ATXN10: variants seen among roughly 807,000 people sequenced by gnomAD.
ATXN10 encodes the protein ataxin-10.
Under a neutral mutation model 52.9 loss-of-function variants are expected in ATXN10, and 28 were observed. That is an observed-to-expected ratio of 0.53 (90% CI 0.39 to 0.73). The LOEUF (loss-of-function observed/expected upper bound fraction) is 0.73. ATXN10 is among the 30% of genes least tolerant of loss of function. The pLI, the probability that ATXN10 is intolerant of heterozygous loss-of-function variation, is 0.00. For missense variants in ATXN10, 565 were observed against 577.0 expected, an observed-to-expected ratio of 0.98 and a Z score of 0.21; for synonymous variants, 226 against 221.5, an observed-to-expected ratio of 1.02 and a Z score of -0.18.
Position 45,718,498 on chromosome 22 carries a change from C to T in ATXN10, c.728+5C>T, listed in dbSNP as rs781075959. ...CAAACTGAACAATCAAGAAAGGTAA[C>T]CCCCCAACCAGCGTGGTCTGGAGTA... On this transcript the variant is annotated splice_donor_5th_base_variant and intron_variant, in intron 6 of 11. Coordinates refer to ENST00000252934, the MANE Select transcript of ATXN10 (RefSeq NM_013236.4). The surrounding 1 kb of genome is among the most constrained non-coding windows in gnomAD (Gnocchi z 4.4). 2.5e-6 allele frequency: 4 copies of T among 1,612,034 alleles called. No homozygotes were observed.
At chr22:45,734,386 T>C (rs780718913) in intron 7 of ATXN10, 2 of 280,208 alleles carry the variant, frequency 7.1e-6, no homozygotes. Context: ...TTCTGGAAAT[T>C]AGTCTTTCTG....
rs1928590716 is a variant in ATXN10 at position 45,819,818 on chromosome 22, T to TC, written c.1237+12796_1237+12797insC. Among the ~76,000 whole-genome samples, 1 of 152,252 alleles carries TC rather than the reference T, an allele frequency of 6.6e-6. No individual in the cohort carries two copies. Among genetic ancestry groups the TC allele is most frequent in the Non-Finnish European group, 1.5e-5 (1 of 68,044 alleles). On this transcript the variant is annotated intron_variant, in intron 10 of 11. Transcript: ENST00000252934. The surrounding 1 kb of genome is among the most constrained non-coding windows in gnomAD (Gnocchi z 4.5). ...TGACTTTTGGATACGTTGAGAAAGT[T>TC]AATACCTTTTTAAATTGCGAAACTT...
Position 45,757,523 on chromosome 22 carries a change from T to C in ATXN10, c.1173+16985T>C, listed in dbSNP as rs1274547502. 6.6e-6 allele frequency among the ~76,000 whole-genome samples: 1 copy of C among 152,102 alleles called. No homozygotes were observed. Among genetic ancestry groups the C allele is most frequent in the Admixed American group, 6.5e-5 (1 of 15,282 alleles). ...GGTGTGGATGTTTCATTCAGTACTT[T>C]GGAGGGAGAAAGAAATGGGTTCTTT... is the stretch of plus-strand genomic sequence containing the variant. On this transcript the variant is annotated intron_variant, in intron 9 of 11. Coordinates refer to ENST00000252934, the MANE Select transcript of ATXN10 (RefSeq NM_013236.4). The surrounding 1 kb of genome is among the most constrained non-coding windows in gnomAD (Gnocchi z 4.6).
intron 9 of ATXN10, chr22:45,793,137 G>A (rs1486091071): frequency 1.2e-5 from 2 of 172,732 alleles, no homozygotes; most frequent in African/African-American, 4.8e-5. Flanking sequence ...ATTGTACTCT[G>A]TTGATGTCCA....
intron 10 of ATXN10, among the ~76,000 whole-genome samples, chr22:45,814,653 A>C (rs1928396750): frequency 6.6e-6 from 1 of 152,212 alleles, no homozygotes; most frequent in African/African-American, 2.4e-5. Flanking sequence ...TGTTTATTAG[A>C]AGAGGAGTCC....
Position 45,672,030 on chromosome 22 carries a change from C to G in ATXN10, c.-34C>G. ...CCTTCGTCCTCCTCGCCTTCCTCCTCCTCGTCAGGCTCGACCCAGCTGTGA... is the reference window on the plus strand; with the variant it reads ...CCTTCGTCCTCCTCGCCTTCCTCCTGCTCGTCAGGCTCGACCCAGCTGTGA... On this transcript the variant is annotated 5_prime_UTR_variant, in exon 1 of 12. Coordinates refer to ENST00000252934, the MANE Select transcript of ATXN10 (RefSeq NM_013236.4). 2 of 1,530,946 alleles carry G rather than the reference C, an allele frequency of 1.3e-6. No homozygotes were observed. The highest frequency in any genetic ancestry group is 1.8e-6 in the Non-Finnish European group (2 of 1,142,464). The allele number at this position is 1,530,946 out of a possible 1,614,324, so 94.8% of individuals were successfully genotyped here.
chr22:45,767,898 C>T (rs948641431), intron 9 of ATXN10, among the ~76,000 whole-genome samples: 5 of 152,122 alleles, frequency 3.3e-5, no homozygotes, highest in Non-Finnish European at 5.9e-5. Context: ...GAAATACTTA[C>T]ACTGTGTGTA....
At chr22:45,758,064 G>C (rs926522908) in intron 9 of ATXN10, among the ~76,000 whole-genome samples, 1 of 152,226 alleles carries the variant, frequency 6.6e-6, no homozygotes, top group African/African-American at 2.4e-5. Context: ...GAACAGTGGC[G>C]TCAGGAAGCC....
At chr22:45,776,765 G>T (rs1402437435) in intron 9 of ATXN10, among the ~76,000 whole-genome samples, 1 of 152,134 alleles carries the variant, frequency 6.6e-6, no homozygotes, top group African/African-American at 2.4e-5. Flanking sequence ...GTGATGCTTG[G>T]TATATGAATA....
intron 7 of ATXN10, among the ~76,000 whole-genome samples, chr22:45,735,140 A>G (rs928501968): frequency 6.6e-6 from 1 of 151,970 alleles, no homozygotes; most frequent in African/African-American, 2.4e-5. Context: ...CGGGCTCCCA[A>G]AGTGCTAGGA....
chr22:45,793,272 A>G (rs2088524993), intron 9 of ATXN10: 1 of 162,102 alleles, frequency 6.2e-6, no homozygotes, highest in Non-Finnish European at 1.4e-5. Context: ...TCAGTTGTGA[A>G]TTTGTCCTCA....
chr22:45,745,235 T>G (rs2041181448), intron 9 of ATXN10, among the ~76,000 whole-genome samples: 2 of 152,248 alleles, frequency 1.3e-5, no homozygotes, highest in South Asian at 4.1e-4. Context: ...CTTTTCACTA[T>G]TGTCATAACC....
rs199724468 is a variant in ATXN10 at position 45,843,031 on chromosome 22, C to T, written c.1278C>T (p.Thr426=). ...QWVIYAIRNL[T]EDNSQNQDLI... is the part of the protein sequence containing the mutation. ...TGATATATGCCATCCGAAACCTTAC[C>T]GAAGACAACAGCCAAAACCAAGATT... Residue 426 remains threonine, a synonymous_variant, in exon 11 of 12, where the codon ACC becomes ACT. Coordinates refer to ENST00000252934, the MANE Select transcript of ATXN10 (RefSeq NM_013236.4). The surrounding 1 kb of genome is among the most constrained non-coding windows in gnomAD (Gnocchi z 4.5). The T allele has an allele frequency of 6.8e-6, 11 of 1,614,112 alleles. No individual in the cohort carries two copies. Among genetic ancestry groups the T allele is most frequent in the East Asian group, 6.7e-5 (3 of 44,878 alleles).
At chr22:45,811,770 A>G (rs1601661439) in intron 10 of ATXN10, 1 of 471,130 alleles carries the variant, frequency 2.1e-6, no homozygotes, top group Non-Finnish European at 4.4e-6. Context: ...CTCATCTTTC[A>G]GTTTCTGCTC....
rs568988706 is a variant in ATXN10 at position 45,814,800 on chromosome 22, C to T, written c.1237+7778C>T. ...CAGTCACCACCTGAGCTCCGTCTCCCGTCAGATCAGTGGCGGCATTAGATT... is the reference window on the plus strand; with the variant it reads ...CAGTCACCACCTGAGCTCCGTCTCCTGTCAGATCAGTGGCGGCATTAGATT... On this transcript the variant is annotated intron_variant, in intron 10 of 11. Transcript: ENST00000252934. Among the ~76,000 whole-genome samples, 56 of 152,280 alleles carry T rather than the reference C, an allele frequency of 3.7e-4. 2 individuals are homozygous for T. The highest frequency in any genetic ancestry group is 3.7e-3 in the East Asian group (19 of 5,174).
chr22:45,780,620 A>C lies in ATXN10; in HGVS notation c.1174-26339A>C, dbSNP rs1927116827. On this transcript the variant is annotated intron_variant, in intron 9 of 11. Coordinates refer to ENST00000252934, the MANE Select transcript of ATXN10 (RefSeq NM_013236.4). The surrounding 1 kb of genome is among the most constrained non-coding windows in gnomAD (Gnocchi z 4.0). ...GAGGATTAGGTCAGATACTACATGT[A>C]ACGTGAACAGTGCTGGCCAATGCTT... is the stretch of plus-strand genomic sequence containing the variant. 6.6e-6 allele frequency among the ~76,000 whole-genome samples: 1 copy of C among 152,218 alleles called. No homozygotes were observed. Among genetic ancestry groups the C allele is most frequent in the African/African-American group, 2.4e-5 (1 of 41,450 alleles).
intron 9 of ATXN10, among the ~76,000 whole-genome samples, chr22:45,761,279 G>A (rs1290938324): frequency 1.3e-5 from 2 of 152,028 alleles, no homozygotes; most frequent in African/African-American, 4.8e-5. Flanking sequence ...TTATATTGGT[G>A]ATTTTGAGCA....
chr22:45,693,404 G>A (rs1923462130), intron 3 of ATXN10, among the ~76,000 whole-genome samples: 1 of 152,196 alleles, frequency 6.6e-6, no homozygotes, highest in South Asian at 2.1e-4. Flanking sequence ...GGTACCAGCA[G>A]ATTGGGTGTT....
Position 45,795,106 on chromosome 22 carries a change from A to G in ATXN10, c.1174-11853A>G, listed in dbSNP as rs1437604283. The stretch of plus-strand genomic sequence containing the variant: ...TATTATTTGTAGATAGACTGCAACA[A>G]GGTAAAGATGTATACTCTAAACTCC... On this transcript the variant is annotated intron_variant, in intron 9 of 11. Coordinates refer to ENST00000252934, the MANE Select transcript of ATXN10 (RefSeq NM_013236.4). This position sits in a 1 kb window ranked among gnomAD's most constrained non-coding sequence, Gnocchi z 4.6. Among the ~76,000 whole-genome samples, 3 of 152,192 alleles carry G rather than the reference A, an allele frequency of 2.0e-5. No individual in the cohort carries two copies. Among genetic ancestry groups the G allele is most frequent in the Non-Finnish European group, 2.9e-5 (2 of 68,032 alleles).
Sources: gnomAD v4.1 joint callset for allele counts (sites outside exome capture counted in the v4.1 genomes callset) on GRCh38, gnomAD v4.1.1 for gene constraint, Gnocchi (gnomAD v3.1) non-coding constraint, MANE v1.5 for transcripts, NCBI Gene and HGNC (gene_info 2026-07-23, HGNC 2026-07-21) for gene names.